ZEB1: variants seen among roughly 807,000 people sequenced by gnomAD.
ZEB1 encodes the protein zinc finger E-box-binding homeobox 1.
In ZEB1, 21 loss-of-function variants were observed where a neutral mutation model predicts 84.9. That is an observed-to-expected ratio of 0.25 (90% CI 0.18 to 0.36). The LOEUF (loss-of-function observed/expected upper bound fraction) is 0.36, where lower values mean the gene tolerates loss of function less well. Among genes scored for constraint, ZEB1 ranks in the 10% least tolerant of loss-of-function variants. ZEB1 has a pLI of 1.00. For missense variants in ZEB1, 1,104 were observed against 1,330.2 expected (o/e 0.83, Z 2.65); for synonymous variants, 420 against 471.1 (o/e 0.89, Z 1.41).
At chr10:31,385,647 C>G (rs1050725531) in intron 1 of ZEB1, among the ~76,000 whole-genome samples, 1 of 151,956 alleles carries the variant, frequency 6.6e-6, no homozygotes, top group African/African-American at 2.4e-5. Flanking sequence ...CTGCCTTAGC[C>G]CCCCCAAGTA....
intron 1 of ZEB1, among the ~76,000 whole-genome samples, chr10:31,354,405 C>T (rs572840622): frequency 2.0e-5 from 3 of 152,254 alleles, no homozygotes; most frequent in Admixed American, 1.3e-4. Context: ...TTGTAAGGCA[C>T]ATTCTTTGAT....
intron 2 of ZEB1, among the ~76,000 whole-genome samples, chr10:31,470,272 G>A (rs1166195923): frequency 5.3e-5 from 8 of 151,152 alleles, no homozygotes; most frequent in South Asian, 4.2e-4. Flanking sequence ...TCTGAGCTAC[G>A]GGAGGACATT....
At chr10:31,445,324 A>G (rs867044050) in intron 1 of ZEB1, among the ~76,000 whole-genome samples, 133 of 148,772 alleles carry the variant, frequency 8.9e-4, no homozygotes, top group African/African-American at 3.2e-3. Context: ...GGCTGAGACA[A>G]TGGGGTTTTC....
intron 1 of ZEB1, chr10:31,321,545 G>T (rs541139029): frequency 6.2e-7 from 1 of 1,613,994 alleles, no homozygotes; most frequent in South Asian, 1.1e-5. Context: ...AAGTTGGTTC[G>T]GAAAGAGCTG....
intron 2 of ZEB1, among the ~76,000 whole-genome samples, chr10:31,478,028 A>T (rs2064490141): frequency 6.6e-6 from 1 of 152,064 alleles, no homozygotes; most frequent in East Asian, 1.9e-4. Context: ...TAATTAAACC[A>T]AAAAGCCTGT....
At chr10:31,522,077 T>C (rs1565217341) in intron 7 of ZEB1, 141 bp downstream of exon 7, 1 of 1,336,048 alleles carries the variant, frequency 7.5e-7, no homozygotes, top group Non-Finnish European at 1.0e-6. Context: ...CAATGTTTGC[T>C]TTAACTTTTC....
intron 1 of ZEB1, among the ~76,000 whole-genome samples, chr10:31,418,435 C>T (rs1332710481): frequency 6.6e-6 from 1 of 151,854 alleles, no homozygotes; most frequent in South Asian, 2.1e-4. Context: ...ATGCCAGGAG[C>T]CAGGTCTTAA....
intron 1 of ZEB1, chr10:31,321,821 T>C: frequency 2.2e-6 from 1 of 459,408 alleles, no homozygotes. Flanking sequence ...GAGAGGTTCT[T>C]GATCGCTGCA....
At chr10:31,469,565 C>G (rs1437210753) in intron 2 of ZEB1, among the ~76,000 whole-genome samples, 1 of 152,234 alleles carries the variant, frequency 6.6e-6, no homozygotes, top group African/African-American at 2.4e-5. Context: ...GGGTCCTACG[C>G]CCACGGAGTC....
chr10:31,402,267 G>T (rs1474196777), intron 1 of ZEB1, among the ~76,000 whole-genome samples: 3 of 151,978 alleles, frequency 2.0e-5, no homozygotes, highest in Non-Finnish European at 4.4e-5. Flanking sequence ...TAAGGGTTTT[G>T]TTAGCAGTAC....
At chr10:31,356,752 T>A (rs2042191246) in intron 1 of ZEB1, among the ~76,000 whole-genome samples, 1 of 152,122 alleles carries the variant, frequency 6.6e-6, no homozygotes, top group Non-Finnish European at 1.5e-5. Context: ...CTATAAAGAA[T>A]TAGGCCATTT....
chr10:31,434,404 G>A (rs375668813), intron 1 of ZEB1, among the ~76,000 whole-genome samples: 67 of 152,282 alleles, frequency 4.4e-4, no homozygotes, highest in African/African-American at 1.6e-3. Context: ...TTGGATTTCA[G>A]TTTTCTCAAG....
intron 1 of ZEB1, among the ~76,000 whole-genome samples, chr10:31,450,149 A>C (rs2060374593): frequency 6.6e-6 from 1 of 152,246 alleles, no homozygotes; most frequent in Admixed American, 6.5e-5. Context: ...TTTATAGAAA[A>C]ATTTAGGTAG....
intron 1 of ZEB1, among the ~76,000 whole-genome samples, chr10:31,371,071 A>G (rs576920102): frequency 6.6e-6 from 1 of 152,310 alleles, no homozygotes; most frequent in South Asian, 2.1e-4. Flanking sequence ...GATTATATAA[A>G]AACACAAGTC....
At chr10:31,459,886 G>A (rs954887517) in intron 1 of ZEB1, among the ~76,000 whole-genome samples, 3 of 143,764 alleles carry the variant, frequency 2.1e-5, no homozygotes, top group Non-Finnish European at 4.6e-5. Flanking sequence ...TGTGTGTAGA[G>A]GGATATGTAT....
chr10:31,427,094 A>C (rs80319601), intron 1 of ZEB1, among the ~76,000 whole-genome samples: 1 of 151,934 alleles, frequency 6.6e-6, no homozygotes, highest in Non-Finnish European at 1.5e-5. Flanking sequence ...TAAAAAAAAA[A>C]CCCGGATGCA....
At chr10:31,449,019 C>G (rs1400078617) in intron 1 of ZEB1, among the ~76,000 whole-genome samples, 2 of 152,264 alleles carry the variant, frequency 1.3e-5, no homozygotes, top group Non-Finnish European at 2.9e-5. Flanking sequence ...AGCCTCGCTG[C>G]CGCCTTGCAG....
intron 2 of ZEB1, among the ~76,000 whole-genome samples, chr10:31,464,963 A>G (rs948815020): frequency 6.6e-6 from 1 of 152,226 alleles, no homozygotes; most frequent in African/African-American, 2.4e-5. Flanking sequence ...GTTCCAAACT[A>G]TAAATACTAT....
chr10:31,480,400 T>G lies in ZEB1; in HGVS notation c.260-15376T>G, dbSNP rs550987158. On this transcript the variant is annotated intron_variant, in intron 2 of 8. Coordinates refer to ENST00000424869, the MANE Select transcript of ZEB1 (RefSeq NM_001174096.2). ...CCTTGAAGCAAATTGTATTCATCCT[T>G]CAAGATTCAGTTGAACCTACTCTTT... Among the ~76,000 whole-genome samples, 143 of 152,136 alleles carry G rather than the reference T, an allele frequency of 9.4e-4. 2 individuals are homozygous for G. Among genetic ancestry groups the G allele is most frequent in the African/African-American group, 3.4e-3 (140 of 41,508 alleles).
Sources: gnomAD v4.1 joint callset for allele counts (sites outside exome capture counted in the v4.1 genomes callset) on GRCh38, gnomAD v4.1.1 for gene constraint, MANE v1.5 for transcripts, NCBI Gene and HGNC (gene_info 2026-07-23, HGNC 2026-07-21) for gene names.